The following AP1G1 variants were observed in gnomAD, a reference collection of about 807,000 sequenced individuals.
The protein encoded by AP1G1 is adaptor related protein complex 1 subunit gamma 1, also known as AP-1 complex subunit gamma-1.
A neutral mutation model predicts 108.3 loss-of-function variants in AP1G1; 7 were observed. That is an observed-to-expected ratio of 0.06 (90% confidence interval 0.04 to 0.12). The LOEUF (loss-of-function observed/expected upper bound fraction) is 0.12, where lower values mean the gene tolerates loss of function less well. Among genes scored for constraint, AP1G1 ranks in the 10% least tolerant of loss-of-function variants. The pLI is 1.00. For missense variants in AP1G1, 756 were observed against 1,010.7 expected (o/e 0.75, Z 3.42); for synonymous variants, 379 against 353.5 (o/e 1.07, Z -0.81).
intron 2 of AP1G1, chr16:71,777,633 G>T: frequency 2.2e-6 from 1 of 453,334 alleles, no homozygotes; most frequent in Non-Finnish European, 4.6e-6. Flanking sequence ...GTCTTCTACT[G>T]CTAGGGATCC....
intron 1 of AP1G1, among the ~76,000 whole-genome samples, chr16:71,803,818 G>A (rs570544762): frequency 2.6e-5 from 4 of 150,986 alleles, no homozygotes; most frequent in African/African-American, 4.9e-5. Flanking sequence ...CCAGCTACTC[G>A]GGAGGCTGAG....
At chr16:71,793,466 G>T (rs1054142249) in intron 1 of AP1G1, among the ~76,000 whole-genome samples, 16 of 151,864 alleles carry the variant, frequency 1.1e-4, no homozygotes, top group African/African-American at 3.1e-4. Context: ...TTTAGAAAAG[G>T]GTATCTATGA....
Position 71,744,571 on chromosome 16 carries a change from G to GTTTTTT in AP1G1, c.1999+567_1999+572dup, listed in dbSNP as rs71856788. Among the ~76,000 whole-genome samples the GTTTTTT allele has an allele frequency of 3.9e-4, 45 of 114,372 alleles. 2 individuals are homozygous for GTTTTTT. In the East Asian group the frequency reaches 7.2e-3, roughly 18 times the overall value. 75.0% of individuals were successfully genotyped at this position (114,372 alleles called of 152,430 possible). On this transcript the variant is annotated intron_variant, in intron 19 of 22. Coordinates refer to ENST00000299980, the MANE Select transcript of AP1G1 (RefSeq NM_001128.6). ...TTTTTGAGCTTGAAAGAGAAAGTGTGTTTTTTTTTTTTTTTTTTTGGAGAC... is the reference window on the plus strand; with the variant it reads ...TTTTTGAGCTTGAAAGAGAAAGTGTGTTTTTTTTTTTTTTTTTTTTTTTTTGGAGAC...
chr16:71,754,608 G>A (rs561758219), intron 12 of AP1G1, among the ~76,000 whole-genome samples: 1 of 152,082 alleles, frequency 6.6e-6, no homozygotes, highest in African/African-American at 2.4e-5. Context: ...ACAAACCTGG[G>A]TAACATAGCA....
At chr16:71,745,318 G>A in intron 18 of AP1G1, 48 bp from the exon 19 acceptor site, 1 of 1,608,842 alleles carries the variant, frequency 6.2e-7, no homozygotes, top group African/African-American at 1.3e-5. Flanking sequence ...GATTTGTCTA[G>A]TATACATCTA....
intron 19 of AP1G1, among the ~76,000 whole-genome samples, chr16:71,740,028 G>A (rs2045599088): frequency 6.6e-6 from 1 of 152,202 alleles, no homozygotes; most frequent in African/African-American, 2.4e-5. Flanking sequence ...TACCAGAATG[G>A]TGAAAATTTC....
At position 71,732,108 on chromosome 16, in the gene AP1G1, C is replaced by G. The variant is rs1597027458; in HGVS notation, c.*950G>C. The stretch of plus-strand genomic sequence containing the variant: ...GAAACTGGTGAACTCCTCTTCCACC[C>G]ATTACCATAGTTCAAACAGGCAAGT... On this transcript the variant is annotated 3_prime_UTR_variant, in exon 23 of 23. Transcript: ENST00000299980. 1 of 152,250 alleles carries G rather than the reference C, an allele frequency of 6.6e-6. No individual in the cohort carries two copies. Among genetic ancestry groups the G allele is most frequent in the Admixed American group, 6.5e-5 (1 of 15,274 alleles). The allele number at this position is 152,250 out of a possible 1,614,324, so 9.4% of individuals were successfully genotyped here.
chr16:71,771,120 C>A, intron 5 of AP1G1, 36 bp downstream of exon 5: 1 of 1,323,958 alleles, frequency 7.6e-7, no homozygotes, highest in South Asian at 1.2e-5. Context: ...TCCCTTTCTC[C>A]CTCAATACTT....
At chr16:71,737,932 T>C (rs369450220) in intron 21 of AP1G1, among the ~76,000 whole-genome samples, 22 of 152,278 alleles carry the variant, frequency 1.4e-4, no homozygotes, top group African/African-American at 5.1e-4. Context: ...GTTTCTGTAC[T>C]ATAAGAGCAG....
At chr16:71,759,608 A>C (rs1040447508) in intron 10 of AP1G1, among the ~76,000 whole-genome samples, 1 of 150,632 alleles carries the variant, frequency 6.6e-6, no homozygotes, top group South Asian at 2.1e-4. Flanking sequence ...AAAATACAAA[A>C]AACTAGCTGG....
chr16:71,746,472 T>C (rs2030188691), intron 17 of AP1G1, 116 bp downstream of exon 17: 1 of 572,000 alleles, frequency 1.7e-6, no homozygotes, highest in South Asian at 3.5e-5. Context: ...TAGAACTAAA[T>C]AGGGATACGA....
intron 21 of AP1G1, among the ~76,000 whole-genome samples, chr16:71,736,318 A>G (rs1292248594): frequency 6.7e-6 from 1 of 149,066 alleles, no homozygotes; most frequent in Non-Finnish European, 1.5e-5. Flanking sequence ...CCAATTTTTA[A>G]ATGTATCCTA....
At position 71,753,833 on chromosome 16, in the gene AP1G1, C is replaced by T. The variant is rs747894082; in HGVS notation, c.1284G>A (p.Thr428=). ...HIDTIMRVLT[T]AGSYVRDDAV... Reference sequence around the variant, plus strand: ...ATGCTGTCTGAAAGAAGCTACTTACCGTTGTCAAAACACGCATAATTGTGT... The same window carrying T: ...ATGCTGTCTGAAAGAAGCTACTTACTGTTGTCAAAACACGCATAATTGTGT... The change falls in exon 13 of 23, where the codon ACG becomes ACA. Residue 428 remains threonine, a splice_region_variant and synonymous_variant. Coordinates refer to ENST00000299980, the MANE Select transcript of AP1G1 (RefSeq NM_001128.6). 4.3e-6 allele frequency: 7 copies of T among 1,613,454 alleles called. No homozygotes were observed. The highest frequency in any genetic ancestry group is 2.2e-5 in the East Asian group (1 of 44,894).
intron 1 of AP1G1, among the ~76,000 whole-genome samples, chr16:71,798,542 G>C (rs1285217294): frequency 6.6e-6 from 1 of 151,778 alleles, no homozygotes; most frequent in African/African-American, 2.4e-5. Flanking sequence ...GAGGAAAAGA[G>C]GGATATATAT....
chr16:71,773,833 C>T (rs2031665344), intron 3 of AP1G1, among the ~76,000 whole-genome samples: 1 of 146,778 alleles, frequency 6.8e-6, no homozygotes, highest in South Asian at 2.5e-4. Context: ...ATCCCAGCTA[C>T]TTGGGAGGCT....
Position 71,764,349 on chromosome 16 carries a change from C to A in AP1G1, c.918+1G>T. 1.3e-6 allele frequency: 2 copies of A among 1,572,416 alleles called. No homozygotes were observed. Among genetic ancestry groups the A allele is most frequent in the South Asian group, 2.3e-5 (2 of 87,408 alleles). On this transcript the variant is annotated splice_donor_variant, in intron 9 of 22. Coordinates refer to ENST00000299980, the MANE Select transcript of AP1G1 (RefSeq NM_001128.6). LOFTEE classifies it high-confidence loss of function. ...GGAAGAAAAGATTCAAAAAGACTTA[C>A]TCGCAATCCACTCTCTGACTTAATA...
intron 1 of AP1G1, among the ~76,000 whole-genome samples, chr16:71,790,070 G>C (rs1363294202): frequency 6.7e-6 from 1 of 149,656 alleles, no homozygotes; most frequent in Non-Finnish European, 1.5e-5. Context: ...AGAAAATAAG[G>C]CTATTAGTGT....
intron 6 of AP1G1, among the ~76,000 whole-genome samples, chr16:71,768,801 G>C (rs1350896347): frequency 2.0e-5 from 3 of 149,998 alleles, no homozygotes; most frequent in African/African-American, 7.4e-5. Flanking sequence ...TGCAGTCCCA[G>C]CTACTTGGGA....
chr16:71,760,704 C>T (rs1396372598), intron 10 of AP1G1, among the ~76,000 whole-genome samples: 2 of 151,940 alleles, frequency 1.3e-5, no homozygotes, highest in East Asian at 3.9e-4. Flanking sequence ...ATCACCAAGC[C>T]ACCTGGCTCA....
Sources: allele counts gnomAD v4.1 joint callset (sites outside exome capture counted in the v4.1 genomes callset), GRCh38; gene constraint gnomAD v4.1.1; transcripts MANE v1.5; gene names NCBI Gene and HGNC (gene_info 2026-07-23, HGNC 2026-07-21).